The following SDR16C5 variants were observed in gnomAD, a reference collection of about 807,000 sequenced individuals.
SDR16C5 encodes the protein epidermal retinol dehydrogenase 2.
In SDR16C5, 20 loss-of-function variants were observed where a neutral mutation model predicts 27.7. That is an observed-to-expected ratio of 0.72 (90% CI 0.51 to 1.05). SDR16C5 has a LOEUF of 1.05. Among genes scored for constraint, SDR16C5 ranks in the 50% least tolerant of loss-of-function variants. SDR16C5 has a pLI of 0.00. For synonymous variants in SDR16C5, 139 were observed against 132.3 expected (o/e 1.05, Z -0.35); for missense variants, 374 against 366.3 (o/e 1.02, Z -0.17).
intron 4 of SDR16C5, 87 bp from the exon 5 acceptor site, chr8:56,306,907 G>A: frequency 8.6e-7 from 1 of 1,157,154 alleles, no homozygotes; most frequent in African/African-American, 1.6e-5. Context: ...AACAGCGACA[G>A]AAAATAAGAC....
intron 2 of SDR16C5, among the ~76,000 whole-genome samples, chr8:56,313,062 C>T (rs1815090259): frequency 6.6e-6 from 1 of 152,182 alleles, no homozygotes; most frequent in African/African-American, 2.4e-5. Context: ...AGGCATGAGC[C>T]ACTGCGCCTG....
intron 6 of SDR16C5, 87 bp from the exon 7 acceptor site, chr8:56,301,660 G>C (rs566439896): frequency 1.0e-6 from 1 of 971,580 alleles, no homozygotes; most frequent in Non-Finnish European, 1.6e-6. Flanking sequence ...GTCACCTCTT[G>C]TGGCAGATGA....
At chr8:56,309,978 G>T (rs1463569891) in intron 3 of SDR16C5, among the ~76,000 whole-genome samples, 1 of 151,576 alleles carries the variant, frequency 6.6e-6, no homozygotes, top group African/African-American at 2.4e-5. Flanking sequence ...GAAGTAAAGG[G>T]AGTGAGATGA....
rs1213333228 is a variant in SDR16C5, at chr8:56,312,288, C to G, written c.334G>C (p.Val112Leu). The G allele has an allele frequency of 1.9e-6, 3 of 1,613,352 alleles. No individual in the cohort carries two copies. The highest frequency in any genetic ancestry group is 2.5e-6 in the Non-Finnish European group (3 of 1,179,280). The change falls in exon 3 of 7, where the codon GTT becomes CTT. Residue 112 changes from valine to leucine, a missense_variant and splice_region_variant. Val to Leu is a conservative substitution (Grantham distance 32). Transcript: ENST00000303749. ...GAAACATCGCCGACTTCTTTTTTAA[C>G]CTGAATTGAATAAGAGCAACACCAC... is the stretch of plus-strand genomic sequence containing the variant. ...KEGVYRVADQ[V>L]KKEVGDVSIL...
At chr8:56,318,387 T>C (rs1815253228) in intron 1 of SDR16C5, among the ~76,000 whole-genome samples, 1 of 152,220 alleles carries the variant, frequency 6.6e-6, no homozygotes, top group Non-Finnish European at 1.5e-5. Context: ...CTTGAAAAGG[T>C]GTCCTGAAAG....
rs375910883 is a variant in SDR16C5, at chr8:56,301,442, C to T, written c.*38G>A. ...CTTCATTGAAGTACGCATTATGTAA[C>T]ACTGTGTATCAGATGACCTTAGCCA... On this transcript the variant is annotated 3_prime_UTR_variant, in exon 7 of 7. Transcript: ENST00000303749. 112 of 1,390,696 alleles carry T rather than the reference C, an allele frequency of 8.1e-5. No homozygotes were observed. The highest frequency in any genetic ancestry group is 1.1e-4 in the Non-Finnish European group (104 of 976,576). 86.1% of individuals were successfully genotyped at this position (1,390,696 alleles called of 1,614,324 possible). A position where few individuals can be genotyped will look rare whatever the true frequency, so the allele number is the denominator to read the frequency against.
At chr8:56,303,000 A>G (rs1458416632) in intron 6 of SDR16C5, among the ~76,000 whole-genome samples, 1 of 151,252 alleles carries the variant, frequency 6.6e-6, no homozygotes, top group African/African-American at 2.4e-5. Flanking sequence ...ATTAAAGAGT[A>G]AAATTAAAAA....
At chr8:56,309,429 ATTGTTCAC>A (rs1814968214) in intron 3 of SDR16C5, 1 of 985,270 alleles carries the variant, frequency 1.0e-6, no homozygotes, top group Non-Finnish European at 1.2e-6. Context: ...TTCCCTGAAC[ATTGTTCAC>A]AGGACATCTG....
intron 3 of SDR16C5, 78 bp downstream of exon 3, chr8:56,312,079 A>G: frequency 7.9e-7 from 1 of 1,268,662 alleles, no homozygotes; most frequent in East Asian, 2.3e-5. Context: ...GGCTAATAAT[A>G]TTGTAAAAGA....
chr8:56,312,937 C>G (rs374687067), intron 2 of SDR16C5, among the ~76,000 whole-genome samples: 17 of 151,886 alleles, frequency 1.1e-4, no homozygotes, highest in African/African-American at 4.1e-4. Context: ...CCACCACACC[C>G]GGCTAATTTT....
intron 2 of SDR16C5, among the ~76,000 whole-genome samples, chr8:56,312,628 C>T (rs1388265392): frequency 6.6e-6 from 1 of 152,018 alleles, no homozygotes; most frequent in Non-Finnish European, 1.5e-5. Flanking sequence ...TTGCTTAAAC[C>T]AGGGAGGTGG....
chr8:56,312,494 C>T (rs1179113872), intron 2 of SDR16C5, among the ~76,000 whole-genome samples: 1 of 152,050 alleles, frequency 6.6e-6, no homozygotes, highest in African/African-American at 2.4e-5. Context: ...GACTTGAGGA[C>T]AGGAGTTTGA....
At chr8:56,316,688 GT>G (rs1815208225) in intron 1 of SDR16C5, among the ~76,000 whole-genome samples, 2 of 152,278 alleles carry the variant, frequency 1.3e-5, no homozygotes, top group Admixed American at 6.5e-5. Flanking sequence ...ATTGCTCATA[GT>G]TAGCCTTTCT....
chr8:56,309,724 G>C, intron 3 of SDR16C5: 1 of 275,392 alleles, frequency 3.6e-6, no homozygotes, highest in Non-Finnish European at 5.5e-6. Context: ...TTGTTTGCCT[G>C]CATTGCAATA....
chr8:56,304,104 CAAG>C lies in SDR16C5; in HGVS notation c.836+1490_836+1492del, dbSNP rs764656354. On this transcript the variant is annotated intron_variant, in intron 6 of 6. Coordinates refer to ENST00000303749, the MANE Select transcript of SDR16C5 (RefSeq NM_138969.4). ...TGAAGCCTGGAAAAATGATAGTATG[CAAG>C]AATGACATTTGGTTCATTGCACAAA... 90 of 701,946 alleles carry C rather than the reference CAAG, an allele frequency of 1.3e-4. 1 individual carries two copies. In the East Asian group the frequency reaches 1.7e-3, roughly 13 times the overall value. The allele number at this position is 701,946 out of a possible 1,614,324, so 43.5% of individuals were successfully genotyped here.
In SDR16C5 at chr8:56,312,184, A is replaced by G; in HGVS notation, c.438T>C (p.Phe146=). Residue 146 remains phenylalanine (F), a synonymous_variant, in exon 3 of 7, where the codon TTT becomes TTC. Transcript: ENST00000303749. ...ATAAATGTGCTTTGAAATTCACATCAAATGACTTTTCCATAAGCTCATCTG... is the reference window on the plus strand; with the variant it reads ...ATAAATGTGCTTTGAAATTCACATCGAATGACTTTTCCATAAGCTCATCTG... ...DCPDELMEKS[F]DVNFKAHLWT... 1 of 1,613,118 alleles carries G rather than the reference A, an allele frequency of 6.2e-7. No individual in the cohort carries two copies. The highest frequency in any genetic ancestry group is 8.5e-7 in the Non-Finnish European group (1 of 1,179,046).
At chr8:56,314,118 T>A (rs1187980370) in intron 2 of SDR16C5, among the ~76,000 whole-genome samples, 9 of 151,518 alleles carry the variant, frequency 5.9e-5, no homozygotes, top group African/African-American at 7.3e-5. Context: ...GAGGCAGGAG[T>A]ACCGCTTGAA....
At chr8:56,306,872 T>C in intron 4 of SDR16C5, 52 bp from the exon 5 acceptor site, 3 of 1,510,576 alleles carry the variant, frequency 2.0e-6, no homozygotes, top group African/African-American at 1.4e-5. Context: ...AAAATGGCAT[T>C]ACATTAAGGT....
At position 56,301,293 on chromosome 8, in the gene SDR16C5, A is replaced by C. The variant is rs1814747079; in HGVS notation, c.*187T>G. 1 of 504,642 alleles carries C rather than the reference A, an allele frequency of 2.0e-6. No homozygotes were observed. 31.3% of individuals were successfully genotyped at this position (504,642 alleles called of 1,614,324 possible). On this transcript the variant is annotated 3_prime_UTR_variant, in exon 7 of 7. Coordinates refer to ENST00000303749, the MANE Select transcript of SDR16C5 (RefSeq NM_138969.4). Reference sequence around the variant, plus strand: ...AAAGAAAAAGAAAAAACCAAAACTCAACCAAATAGGTGATAGCAACATTAT... The same window carrying C: ...AAAGAAAAAGAAAAAACCAAAACTCCACCAAATAGGTGATAGCAACATTAT...
Sources: gnomAD v4.1 joint callset for allele counts (sites outside exome capture counted in the v4.1 genomes callset) on GRCh38, gnomAD v4.1.1 for gene constraint, MANE v1.5 for transcripts, NCBI Gene and HGNC (gene_info 2026-07-23, HGNC 2026-07-21) for gene names.